CFAP44: variants seen among roughly 807,000 people sequenced by gnomAD.
CFAP44 encodes cilia- and flagella-associated protein 44.
CFAP44 carries 134 observed loss-of-function variants against 216.2 expected under a neutral mutation model. That is an observed-to-expected ratio of 0.62 (90% CI 0.54 to 0.72). The LOEUF is 0.72. Ranked by LOEUF, CFAP44 falls within the 30% of genes least tolerant of loss-of-function variation. CFAP44 has a pLI of 0.00. For synonymous variants in CFAP44, 700 were observed against 727.6 expected, an observed-to-expected ratio of 0.96 and a Z score of 0.61; for missense variants, 2,035 against 2,182.1, an observed-to-expected ratio of 0.93 and a Z score of 1.34.
chr3:113,343,662 A>C (rs887279006), intron 23 of CFAP44, among the ~76,000 whole-genome samples: 3 of 152,186 alleles, frequency 2.0e-5, no homozygotes, highest in Non-Finnish European at 2.9e-5. Context: ...AGTGTTAGAC[A>C]TAATCAGGGA....
At chr3:113,292,429 C>T (rs1949839237) in intron 34 of CFAP44, among the ~76,000 whole-genome samples, 1 of 152,228 alleles carries the variant, frequency 6.6e-6, no homozygotes, top group South Asian at 2.1e-4. Flanking sequence ...AGTCTCATCA[C>T]TCTGCCAATA....
In CFAP44 at chr3:113,291,378, C is replaced by T; in HGVS notation, c.*179G>A. ...CATAACAGAGGTTGGGTGCTGCAGT[C>T]AGTTCTAAGATAACCAAATTGTAGA... On this transcript the variant is annotated 3_prime_UTR_variant, in exon 35 of 35. Transcript: ENST00000393845. The T allele has an allele frequency of 4.6e-6, 3 of 652,824 alleles. No homozygotes were observed. The South Asian group carries it at 7.2e-5, about 16-fold the overall frequency. The allele number at this position is 652,824 out of a possible 1,614,324, so 40.4% of individuals were successfully genotyped here.
rs916860732 is a variant in CFAP44 at position 113,327,830 on chromosome 3, A to G, written c.4117-11T>C. On this transcript the variant is annotated splice_polypyrimidine_tract_variant and intron_variant, in intron 26 of 34. Coordinates refer to ENST00000393845, the MANE Select transcript of CFAP44 (RefSeq NM_001164496.2). ...AACCAGTTCTTTGATCTGAGATGGAAAAAATATTTGCGGATACGTTAGAAG... is the reference window on the plus strand; with the variant it reads ...AACCAGTTCTTTGATCTGAGATGGAGAAAATATTTGCGGATACGTTAGAAG... The G allele has an allele frequency of 2.6e-6, 4 of 1,535,866 alleles. No homozygotes were observed. The highest frequency in any genetic ancestry group is 1.7e-6 in the Non-Finnish European group (2 of 1,146,296).
chr3:113,362,782 C>G (rs1164650483), intron 21 of CFAP44: 1 of 616,954 alleles, frequency 1.6e-6, no homozygotes, highest in Non-Finnish European at 2.2e-6. Context: ...CGAAGCCAGC[C>G]ACCGGACGCT....
intron 30 of CFAP44, among the ~76,000 whole-genome samples, chr3:113,305,514 TAAAG>T (rs1329179400): frequency 3.9e-5 from 6 of 152,186 alleles, no homozygotes; most frequent in Non-Finnish European, 8.8e-5. Flanking sequence ...TTCAACAAAT[TAAAG>T]AAAGTTTCAG....
At position 113,409,336 on chromosome 3, in the gene CFAP44, T is replaced by G. The variant is rs372165226; in HGVS notation, c.674-14A>C. 1.2e-6 allele frequency: 2 copies of G among 1,606,330 alleles called. No homozygotes were observed. Among genetic ancestry groups the G allele is most frequent in the Non-Finnish European group, 1.7e-6 (2 of 1,174,054 alleles). Reference sequence around the variant, plus strand: ...TCTCAGTCCCATCTGGAAGGATAAATGGAAGCCTAATAAATAAGGACACAT... The same window carrying G: ...TCTCAGTCCCATCTGGAAGGATAAAGGGAAGCCTAATAAATAAGGACACAT... On this transcript the variant is annotated splice_polypyrimidine_tract_variant and intron_variant, in intron 6 of 34. Coordinates refer to ENST00000393845, the MANE Select transcript of CFAP44 (RefSeq NM_001164496.2).
chr3:113,303,643 G>A (rs1949959067), intron 32 of CFAP44, among the ~76,000 whole-genome samples: 1 of 152,148 alleles, frequency 6.6e-6, no homozygotes, highest in Non-Finnish European at 1.5e-5. Flanking sequence ...GGGTAGTCTT[G>A]CACTTGGGTT....
At chr3:113,340,620 T>C (rs989976671) in intron 24 of CFAP44, among the ~76,000 whole-genome samples, 1 of 152,136 alleles carries the variant, frequency 6.6e-6, no homozygotes, top group African/African-American at 2.4e-5. Context: ...TAGGGGAGCA[T>C]ACAGGCGGGC....
chr3:113,301,227 G>A (rs999184276), intron 32 of CFAP44, among the ~76,000 whole-genome samples: 4 of 152,038 alleles, frequency 2.6e-5, no homozygotes, highest in Non-Finnish European at 4.4e-5. Context: ...ATGAGAGTAT[G>A]TTTCAAAAGG....
intron 9 of CFAP44, 71 bp downstream of exon 9, chr3:113,403,780 GA>G: frequency 6.7e-7 from 1 of 1,484,610 alleles, no homozygotes; most frequent in Non-Finnish European, 9.0e-7. Flanking sequence ...ACCTTTATGA[GA>G]AATAAAACCC....
In CFAP44 at chr3:113,422,591, T is replaced by C. The variant is rs891855865; in HGVS notation, c.408-2412A>G. ...TTGTATAGAAATGTGAATGAATATG[T>C]GATCCAAAGATGTAAATGAAGCTAT... On this transcript the variant is annotated intron_variant, in intron 4 of 34. Coordinates refer to ENST00000393845, the MANE Select transcript of CFAP44 (RefSeq NM_001164496.2). Among the ~76,000 whole-genome samples, 4 of 152,196 alleles carry C rather than the reference T, an allele frequency of 2.6e-5. No individual in the cohort carries two copies. In the South Asian group the frequency reaches 8.3e-4, roughly 31 times the overall value.
At position 113,286,989 on chromosome 3, in the gene CFAP44, G is replaced by A; in HGVS notation, c.*4568C>T. ...GCCATATTTATATATTTATGCACTT[G>A]TAAATAAATGTATATGTTTTATAAT... On this transcript the variant is annotated 3_prime_UTR_variant, in exon 35 of 35. Coordinates refer to ENST00000393845, the MANE Select transcript of CFAP44 (RefSeq NM_001164496.2). The A allele has an allele frequency of 1.0e-6, 1 of 959,284 alleles. No homozygotes were observed. The highest frequency in any genetic ancestry group is 1.6e-6 in the Non-Finnish European group (1 of 632,822). 59.4% of individuals were successfully genotyped at this position (959,284 alleles called of 1,614,324 possible).
chr3:113,408,944 G>A (rs933991035), intron 7 of CFAP44, among the ~76,000 whole-genome samples, 162 bp downstream of exon 7: 1 of 141,808 alleles, frequency 7.1e-6, no homozygotes, highest in Non-Finnish European at 1.5e-5. Flanking sequence ...TAGAAAAGGT[G>A]CATTACTAGT....
intron 18 of CFAP44, among the ~76,000 whole-genome samples, chr3:113,371,330 T>C (rs1451392087): frequency 2.0e-5 from 3 of 152,170 alleles, no homozygotes; most frequent in Non-Finnish European, 2.9e-5. Flanking sequence ...CTTCAAACTA[T>C]ACTACAAGGC....
intron 15 of CFAP44, among the ~76,000 whole-genome samples, chr3:113,387,933 G>A (rs1933692667): frequency 6.6e-6 from 1 of 152,030 alleles, no homozygotes; most frequent in African/African-American, 2.4e-5. Flanking sequence ...CTGGGGTAGT[G>A]GCAGCCTTGG....
At chr3:113,308,520 T>C (rs1480986359) in intron 28 of CFAP44, among the ~76,000 whole-genome samples, 1 of 152,152 alleles carries the variant, frequency 6.6e-6, no homozygotes, top group Non-Finnish European at 1.5e-5. Flanking sequence ...TAAAACACAG[T>C]TAGTGAAACA....
intron 8 of CFAP44, 28 bp from the exon 9 acceptor site, chr3:113,404,044 T>C: frequency 6.2e-7 from 1 of 1,603,878 alleles, no homozygotes. Flanking sequence ...AAAAGAAATG[T>C]GCATTAAAAC....
At chr3:113,363,052 T>C (rs1950556473) in intron 21 of CFAP44, 93 bp downstream of exon 21, 2 of 1,400,506 alleles carry the variant, frequency 1.4e-6, no homozygotes, top group Admixed American at 6.2e-5. Flanking sequence ...AAAAGAAAGA[T>C]GATTTTAAGT....
At chr3:113,404,986 G>A (rs938456155) in intron 8 of CFAP44, among the ~76,000 whole-genome samples, 56 of 152,112 alleles carry the variant, frequency 3.7e-4, no homozygotes, top group Non-Finnish European at 7.9e-4. Flanking sequence ...AGTATTTGCT[G>A]GGAATCACCA....
Sources: allele counts gnomAD v4.1 joint callset (sites outside exome capture counted in the v4.1 genomes callset), GRCh38; gene constraint gnomAD v4.1.1; transcripts MANE v1.5; gene names NCBI Gene and HGNC (gene_info 2026-07-23, HGNC 2026-07-21).